The following PDE9A variants were observed in gnomAD, a reference collection of about 807,000 sequenced individuals.
PDE9A encodes the protein phosphodiesterase 9A, also known as high affinity cGMP-specific 3',5'-cyclic phosphodiesterase 9A.
In PDE9A, 60 loss-of-function variants were observed where a neutral mutation model predicts 87.4. The observed-to-expected ratio is 0.69, with a 90% CI of 0.56 to 0.85. PDE9A has a LOEUF of 0.85. Among genes scored for constraint, PDE9A ranks in the 40% least tolerant of loss-of-function variants. PDE9A has a pLI of 0.00. For synonymous variants in PDE9A, 272 were observed against 279.4 expected (o/e 0.97, Z 0.27); for missense variants, 665 against 779.0 (o/e 0.85, Z 1.74).
chr21:42,737,147 G>A (rs1417553371), intron 7 of PDE9A, among the ~76,000 whole-genome samples: 1 of 152,266 alleles, frequency 6.6e-6, no homozygotes, highest in Non-Finnish European at 1.5e-5. Flanking sequence ...GCTGCCAGAA[G>A]CTAGCCAGAT....
At chr21:42,693,342 A>G (rs145154476) in intron 3 of PDE9A, among the ~76,000 whole-genome samples, 16,115 of 142,602 alleles carry the variant, frequency 0.11, 1,140 homozygotes, top group East Asian at 0.35. Context: ...TCTGTCGCCC[A>G]GGCTGGAGTG....
chr21:42,685,121 T>C (rs1040426018), intron 1 of PDE9A, among the ~76,000 whole-genome samples: 2 of 152,184 alleles, frequency 1.3e-5, no homozygotes, highest in Non-Finnish European at 2.9e-5. Context: ...CAGGGAGGCA[T>C]CCTCTGCGAT....
At chr21:42,666,181 T>A (rs577582827) in intron 1 of PDE9A, among the ~76,000 whole-genome samples, 2 of 151,790 alleles carry the variant, frequency 1.3e-5, no homozygotes, top group Admixed American at 6.6e-5. Flanking sequence ...GGCGTGGTCA[T>A]CAAGAAAGGG....
At chr21:42,769,527 G>GGC (rs2056770889) in intron 17 of PDE9A, among the ~76,000 whole-genome samples, 1 of 92,460 alleles carries the variant, frequency 1.1e-5, no homozygotes. Flanking sequence ...AAGGCACACA[G>GGC]GCACACACAG....
At chr21:42,687,848 TG>T in intron 2 of PDE9A, 68 bp from the exon 3 acceptor site, 1 of 1,306,468 alleles carries the variant, frequency 7.7e-7, no homozygotes, top group Non-Finnish European at 1.1e-6. Flanking sequence ...TCTGGCCCCA[TG>T]TGTACATTCA....
rs1003788182 is a variant in PDE9A at position 42,750,988 on chromosome 21, T to G, written c.654-128T>G. 5.6e-6 allele frequency: 4 copies of G among 718,096 alleles called. No homozygotes were observed. The South Asian group carries it at 6.3e-5, about 11-fold the overall frequency. 44.5% of individuals were successfully genotyped at this position (718,096 alleles called of 1,614,324 possible). On this transcript the variant is annotated intron_variant, in intron 8 of 19. Transcript: ENST00000291539. Reference sequence around the variant, plus strand: ...TCGAGTGAGTTGCTGCTGCCCTGACTCCTCTCCCACAGCAAATAAGACCAC... The same window carrying G: ...TCGAGTGAGTTGCTGCTGCCCTGACGCCTCTCCCACAGCAAATAAGACCAC...
chr21:42,747,420 C>T (rs1041354039), intron 8 of PDE9A, among the ~76,000 whole-genome samples: 11 of 152,206 alleles, frequency 7.2e-5, no homozygotes, highest in Non-Finnish European at 1.3e-4. Flanking sequence ...AGCTCAGCCC[C>T]GTGCCACACA....
intron 1 of PDE9A, among the ~76,000 whole-genome samples, chr21:42,656,971 T>C (rs1380069410): frequency 6.6e-6 from 1 of 152,248 alleles, no homozygotes; most frequent in Non-Finnish European, 1.5e-5. Flanking sequence ...TACTATGTGC[T>C]GAGTGCTGGG....
At chr21:42,730,194 G>A (rs1711811245) in intron 4 of PDE9A, among the ~76,000 whole-genome samples, 1 of 152,190 alleles carries the variant, frequency 6.6e-6, no homozygotes, top group African/African-American at 2.4e-5. Flanking sequence ...ACTAGTAGGT[G>A]TGGGCCTTTC....
chr21:42,774,007 A>C (rs972999937), intron 19 of PDE9A, among the ~76,000 whole-genome samples: 5 of 151,968 alleles, frequency 3.3e-5, no homozygotes, highest in Non-Finnish European at 5.9e-5. Flanking sequence ...CGGGAGGCTG[A>C]GGCGGAGCTT....
At chr21:42,677,432 C>A (rs2058909264) in intron 1 of PDE9A, among the ~76,000 whole-genome samples, 1 of 152,152 alleles carries the variant, frequency 6.6e-6, no homozygotes, top group South Asian at 2.1e-4. Context: ...TAATGCCATC[C>A]TGGTTTACCA....
intron 1 of PDE9A, among the ~76,000 whole-genome samples, chr21:42,655,972 T>C (rs557440618): frequency 6.6e-6 from 1 of 152,214 alleles, no homozygotes; most frequent in Non-Finnish European, 1.5e-5. Flanking sequence ...CAAAGCATGA[T>C]AACTTCTCGC....
intron 1 of PDE9A, among the ~76,000 whole-genome samples, chr21:42,662,721 T>A (rs111167011): frequency 0.087 from 7,831 of 90,262 alleles, 590 homozygotes; most frequent in African/African-American, 0.26. Context: ...CATCACACAC[T>A]TGTACACACC....
chr21:42,736,998 G>C (rs1177525401), intron 7 of PDE9A, among the ~76,000 whole-genome samples: 3 of 152,262 alleles, frequency 2.0e-5, no homozygotes, highest in African/African-American at 7.2e-5. Context: ...AAAGATGCAA[G>C]AGCCCAGACA....
At chr21:42,654,056 G>T (rs1227764634) in intron 1 of PDE9A, among the ~76,000 whole-genome samples, 173 bp downstream of exon 1, 6 of 149,550 alleles carry the variant, frequency 4.0e-5, no homozygotes, top group Admixed American at 4.0e-4. Flanking sequence ...CCGGGGAAAG[G>T]GGCGACTCGC....
intron 4 of PDE9A, among the ~76,000 whole-genome samples, chr21:42,709,748 A>G (rs1014501918): frequency 6.6e-6 from 1 of 152,116 alleles, no homozygotes; most frequent in African/African-American, 2.4e-5. Context: ...GTGAGGCACA[A>G]TCATGGCTCA....
chr21:42,745,495 C>G (rs2053750155), intron 8 of PDE9A, among the ~76,000 whole-genome samples: 1 of 152,230 alleles, frequency 6.6e-6, no homozygotes. Context: ...CATTTGTGAG[C>G]CAAGGAAGAG....
chr21:42,721,983 T>G (rs1400993721), intron 4 of PDE9A, among the ~76,000 whole-genome samples: 1 of 19,562 alleles, frequency 5.1e-5, no homozygotes, highest in Non-Finnish European at 9.5e-5. Context: ...TTTTCTTTTC[T>G]TTTTTTTTTT....
chr21:42,744,474 T>C (rs1213933241), intron 8 of PDE9A, among the ~76,000 whole-genome samples: 3 of 152,112 alleles, frequency 2.0e-5, no homozygotes, highest in Non-Finnish European at 2.9e-5. Flanking sequence ...TAAGTTGATA[T>C]CCACTTTTAA....
Sources: allele counts gnomAD v4.1 joint callset (sites outside exome capture counted in the v4.1 genomes callset), GRCh38; gene constraint gnomAD v4.1.1; transcripts MANE v1.5; gene names NCBI Gene and HGNC (gene_info 2026-07-23, HGNC 2026-07-21).